The following DIRAS2 variants were observed in gnomAD, a reference collection of about 807,000 sequenced individuals.
DIRAS2 encodes GTP-binding protein Di-Ras2.
Under a neutral mutation model 13.9 loss-of-function variants are expected in DIRAS2, and 5 were observed. That is an observed-to-expected ratio of 0.36 (90% confidence interval 0.19 to 0.76). The LOEUF (loss-of-function observed/expected upper bound fraction) is 0.76, where lower values mean the gene tolerates loss of function less well. Ranked by LOEUF, DIRAS2 falls within the 30% of genes least tolerant of loss-of-function variation. The pLI, the probability that DIRAS2 is intolerant of heterozygous loss-of-function variation, is 0.53. For synonymous variants in DIRAS2, 111 were observed against 105.4 expected, an observed-to-expected ratio of 1.05 and a Z score of -0.33; for missense variants, 191 against 263.0, an observed-to-expected ratio of 0.73 and a Z score of 1.89.
intron 1 of DIRAS2, among the ~76,000 whole-genome samples, chr9:90,617,141 C>A (rs143275094): frequency 2.6e-4 from 40 of 152,258 alleles, no homozygotes; most frequent in African/African-American, 7.9e-4. Flanking sequence ...AAACTGGCAT[C>A]CAGGAGTGAA....
chr9:90,633,610 C>T (rs1219786050), intron 1 of DIRAS2, among the ~76,000 whole-genome samples: 2 of 152,136 alleles, frequency 1.3e-5, no homozygotes, highest in East Asian at 1.9e-4. Flanking sequence ...TGGATGAGAT[C>T]GTTTGCAAGA....
intron 1 of DIRAS2, among the ~76,000 whole-genome samples, chr9:90,628,350 T>C (rs1261358981): frequency 1.3e-5 from 2 of 152,220 alleles, no homozygotes; most frequent in Non-Finnish European, 2.9e-5. Flanking sequence ...TGATTACAAG[T>C]TGAAATGATC....
In DIRAS2 at chr9:90,611,068, C is replaced by T. The variant is rs1825108163; in HGVS notation, c.*2160G>A. The T allele has an allele frequency of 6.6e-6, 1 of 152,120 alleles. No individual in the cohort carries two copies. Among genetic ancestry groups the T allele is most frequent in the African/African-American group, 2.4e-5 (1 of 41,418 alleles). The allele number at this position is 152,120 out of a possible 1,614,324, so 9.4% of individuals were successfully genotyped here. A position where few individuals can be genotyped will look rare whatever the true frequency, so the allele number is the denominator to read the frequency against. On this transcript the variant is annotated 3_prime_UTR_variant, in exon 2 of 2. Transcript: ENST00000375765. ...ATCAAAATCTATAGGTCTACTTTGG[C>T]CATGAAGTTCTGTTTCTTCTTCCAT...
intron 1 of DIRAS2, among the ~76,000 whole-genome samples, chr9:90,631,051 A>G (rs1825320189): frequency 6.6e-6 from 1 of 152,236 alleles, no homozygotes; most frequent in African/African-American, 2.4e-5. Context: ...TGACAAAAAT[A>G]CATGAATAAA....
chr9:90,626,583 C>T (rs936414996), intron 1 of DIRAS2, among the ~76,000 whole-genome samples: 3 of 152,088 alleles, frequency 2.0e-5, no homozygotes, highest in African/African-American at 7.2e-5. Context: ...CAATGAAGTA[C>T]CGCTTCACAC....
At chr9:90,624,839 C>T (rs1224475606) in intron 1 of DIRAS2, among the ~76,000 whole-genome samples, 1 of 152,102 alleles carries the variant, frequency 6.6e-6, no homozygotes, top group Non-Finnish European at 1.5e-5. Context: ...CTCAGCCTCC[C>T]GAGTAGCTGG....
chr9:90,613,161 G>A lies in DIRAS2; in HGVS notation c.*67C>T, dbSNP rs1020844976. 2.6e-6 allele frequency: 4 copies of A among 1,560,416 alleles called. No individual in the cohort carries two copies. The highest frequency in any genetic ancestry group is 2.2e-5 in the East Asian group (1 of 44,468). ...GCATTATACATGCTACCCTGACGAC[G>A]GTGGGTGTCATTTTGGGGGAGTGAG... On this transcript the variant is annotated 3_prime_UTR_variant, in exon 2 of 2. Transcript: ENST00000375765. This position sits in a 1 kb window ranked among gnomAD's most constrained non-coding sequence, Gnocchi z 5.6.
In DIRAS2 at chr9:90,635,624, G is replaced by T. The variant is rs117407322; in HGVS notation, c.-37+7128C>A. ...AAAACATGGGTTATACTTACATCAT[G>T]GGATATTTAACTCATGATTTGGATG... On this transcript the variant is annotated intron_variant, in intron 1 of 1. Coordinates refer to ENST00000375765, the MANE Select transcript of DIRAS2 (RefSeq NM_017594.5). 1.3e-4 allele frequency among the ~76,000 whole-genome samples: 20 copies of T among 152,334 alleles called. No homozygotes were observed. The East Asian group carries it at 3.7e-3, about 28-fold the overall frequency.
chr9:90,611,384 TAGG>T lies in DIRAS2; in HGVS notation c.*1841_*1843del. The T allele has an allele frequency of 6.6e-6, 1 of 152,342 alleles. No homozygotes were observed. The highest frequency in any genetic ancestry group is 2.4e-5 in the African/African-American group (1 of 41,546). 9.4% of individuals were successfully genotyped at this position (152,342 alleles called of 1,614,324 possible). On this transcript the variant is annotated 3_prime_UTR_variant, in exon 2 of 2. Coordinates refer to ENST00000375765, the MANE Select transcript of DIRAS2 (RefSeq NM_017594.5). Reference sequence around the variant, plus strand: ...CTGTAAAGTCAGGGCGGTTTTGTTCTAGGAGATCATGGAGTCAAGCAGTTCTCA... The same window carrying T: ...CTGTAAAGTCAGGGCGGTTTTGTTCTAGATCATGGAGTCAAGCAGTTCTCA...
At chr9:90,639,337 A>G (rs1825398120) in intron 1 of DIRAS2, among the ~76,000 whole-genome samples, 1 of 152,232 alleles carries the variant, frequency 6.6e-6, no homozygotes, top group Admixed American at 6.5e-5. Context: ...ACTTTATCTA[A>G]TGGTGTCAAA....
In DIRAS2 at chr9:90,626,804, G is replaced by A. The variant is rs140324781; in HGVS notation, c.-36-12941C>T. Among the ~76,000 whole-genome samples the A allele has an allele frequency of 2.5e-3, 386 of 152,272 alleles. 5 individuals carry two copies. The highest frequency in any genetic ancestry group is 8.7e-3 in the African/African-American group (360 of 41,550). Reference sequence around the variant, plus strand: ...GACTCTAGTAGATATTTGTGTGCCCGTGTTCACACAGCAGTATTACTCACA... The same window carrying A: ...GACTCTAGTAGATATTTGTGTGCCCATGTTCACACAGCAGTATTACTCACA... On this transcript the variant is annotated intron_variant, in intron 1 of 1. Coordinates refer to ENST00000375765, the MANE Select transcript of DIRAS2 (RefSeq NM_017594.5).
intron 1 of DIRAS2, among the ~76,000 whole-genome samples, chr9:90,635,706 G>T (rs1274426625): frequency 6.6e-6 from 1 of 152,262 alleles, no homozygotes; most frequent in Admixed American, 6.5e-5. Context: ...GAAGGCCCAG[G>T]CCATGGGAGA....
chr9:90,627,359 A>C (rs1825279585), intron 1 of DIRAS2, among the ~76,000 whole-genome samples: 1 of 152,236 alleles, frequency 6.6e-6, no homozygotes, highest in Non-Finnish European at 1.5e-5. Flanking sequence ...ATGGGAAGAA[A>C]ACTCTAACAC....
In DIRAS2 at chr9:90,621,380, A is replaced by T. The variant is rs375337853; in HGVS notation, c.-36-7517T>A. On this transcript the variant is annotated intron_variant, in intron 1 of 1. Coordinates refer to ENST00000375765, the MANE Select transcript of DIRAS2 (RefSeq NM_017594.5). ...GGAGTCACCGGGGCCTAGGATGCAA[A>T]TGGCAGGTCCGTCTTCAAGGAGGGG... is the stretch of plus-strand genomic sequence containing the variant. Among the ~76,000 whole-genome samples the T allele has an allele frequency of 1.6e-4, 24 of 152,222 alleles. No individual in the cohort carries two copies. In the East Asian group the frequency reaches 1.9e-3, roughly 12 times the overall value.
In DIRAS2 at chr9:90,640,639, T is replaced by C. The variant is rs144067250; in HGVS notation, c.-37+2113A>G. 1.2e-3 allele frequency among the ~76,000 whole-genome samples: 182 copies of C among 152,356 alleles called. 1 individual carries two copies. The highest frequency in any genetic ancestry group is 4.3e-3 in the African/African-American group (178 of 41,592). ...GACATCTGTCCACTGTCAATACTTA[T>C]ACCAGGTAGATAGACTGATGATAGA... On this transcript the variant is annotated intron_variant, in intron 1 of 1. Transcript: ENST00000375765.
At chr9:90,617,613 T>C (rs981463063) in intron 1 of DIRAS2, among the ~76,000 whole-genome samples, 1 of 152,092 alleles carries the variant, frequency 6.6e-6, no homozygotes, top group Non-Finnish European at 1.5e-5. Flanking sequence ...CAGCACATAG[T>C]TTTTTGGCTA....
At chr9:90,631,091 T>C (rs898631566) in intron 1 of DIRAS2, among the ~76,000 whole-genome samples, 4 of 152,150 alleles carry the variant, frequency 2.6e-5, no homozygotes, top group South Asian at 2.1e-4. Flanking sequence ...CAAAAATATG[T>C]AGTGAGCATC....
rs953396113 is a variant in DIRAS2, at chr9:90,613,849, T to C, written c.-22A>G. The C allele has an allele frequency of 3.8e-6, 6 of 1,596,988 alleles. No homozygotes were observed. The African/African-American group carries it at 6.7e-5, about 18-fold the overall frequency. On this transcript the variant is annotated 5_prime_UTR_variant, in exon 2 of 2. Transcript: ENST00000375765. The surrounding 1 kb of genome is among the most constrained non-coding windows in gnomAD (Gnocchi z 5.6). Reference sequence around the variant, plus strand: ...GCATGTTGCTGGAGAGCTCCAACTCTCAGCCAGGACGCACCTAGCAAAGGA... The same window carrying C: ...GCATGTTGCTGGAGAGCTCCAACTCCCAGCCAGGACGCACCTAGCAAAGGA...
At chr9:90,636,679 G>A (rs1248358696) in intron 1 of DIRAS2, among the ~76,000 whole-genome samples, 1 of 152,174 alleles carries the variant, frequency 6.6e-6, no homozygotes. Flanking sequence ...TCATTGCTAA[G>A]GGAGCAGAAT....
Sources: allele counts gnomAD v4.1 joint callset (sites outside exome capture counted in the v4.1 genomes callset), GRCh38; gene constraint gnomAD v4.1.1; non-coding constraint Gnocchi (gnomAD v3.1); transcripts MANE v1.5; gene names NCBI Gene and HGNC (gene_info 2026-07-23, HGNC 2026-07-21).